FBN1: variants seen among roughly 807,000 people sequenced by gnomAD.
FBN1 encodes fibrillin-1.
In FBN1, 29 loss-of-function variants were observed where a neutral mutation model predicts 365.1. The observed-to-expected ratio is 0.08, with a 90% confidence interval of 0.06 to 0.11. The LOEUF (loss-of-function observed/expected upper bound fraction) is 0.11. Ranked by LOEUF, FBN1 falls within the 10% of genes least tolerant of loss-of-function variation. The pLI, the probability that FBN1 is intolerant of heterozygous loss-of-function variation, is 1.00. For missense variants in FBN1, 2,476 were observed against 3,703.2 expected (o/e 0.67, Z 8.60); for synonymous variants, 1,210 against 1,270.5 (o/e 0.95, Z 1.01).
At chr15:48,479,890 A>C (rs1206294341) in intron 32 of FBN1, among the ~76,000 whole-genome samples, 2 of 152,224 alleles carry the variant, frequency 1.3e-5, no homozygotes, top group African/African-American at 4.8e-5. Flanking sequence ...AAATGAAACA[A>C]CAAAACAATG....
chr15:48,462,137 C>A (rs950066628), intron 42 of FBN1, among the ~76,000 whole-genome samples: 2 of 152,174 alleles, frequency 1.3e-5, no homozygotes, highest in Non-Finnish European at 2.9e-5. Flanking sequence ...TAGTACCAAA[C>A]AACAGATTTA....
chr15:48,454,621 G>T (rs1239084658), intron 44 of FBN1, among the ~76,000 whole-genome samples: 1 of 152,184 alleles, frequency 6.6e-6, no homozygotes, highest in African/African-American at 2.4e-5. Context: ...AAAGGGGATG[G>T]CCTATAACAC....
At chr15:48,639,839 TA>T (rs1227415283) in intron 2 of FBN1, among the ~76,000 whole-genome samples, 1 of 152,150 alleles carries the variant, frequency 6.6e-6, no homozygotes, top group Non-Finnish European at 1.5e-5. Flanking sequence ...AAGAAATTGT[TA>T]AAAGAATGTA....
chr15:48,518,070 A>G (rs2043819053), intron 10 of FBN1, among the ~76,000 whole-genome samples: 1 of 152,238 alleles, frequency 6.6e-6, no homozygotes, highest in Non-Finnish European at 1.5e-5. Flanking sequence ...ATTCTCTTAC[A>G]GCATTTTAAT....
chr15:48,573,116 C>T (rs1024105041), intron 6 of FBN1, among the ~76,000 whole-genome samples: 4 of 152,046 alleles, frequency 2.6e-5, no homozygotes, highest in East Asian at 1.9e-4. Flanking sequence ...GAGCATTATC[C>T]GAAAACAGGA....
In FBN1 at chr15:48,470,138, G is replaced by A. The variant is rs138689661; in HGVS notation, c.4459+496C>T. Among the ~76,000 whole-genome samples the A allele has an allele frequency of 4.2e-3, 640 of 152,162 alleles. 5 individuals carry two copies. The highest frequency in any genetic ancestry group is 6.8e-3 in the Middle Eastern group (2 of 294). On this transcript the variant is annotated intron_variant, in intron 36 of 65. Coordinates refer to ENST00000316623, the MANE Select transcript of FBN1 (RefSeq NM_000138.5). ...CTAAGCTTTTTCTAATGTTCCCTGA[G>A]AGTCCTTGGCTCAACAAGAAAATGA...
At position 48,644,590 on chromosome 15, in the gene FBN1, G is replaced by A; in HGVS notation, c.164+16C>T. ...CTTGGGAGACCCACACCAAAGGAGG[G>A]AACCGGTTCCTTTACCCTTTAAGCG... On this transcript the variant is annotated intron_variant, in intron 2 of 65. Coordinates refer to ENST00000316623, the MANE Select transcript of FBN1 (RefSeq NM_000138.5). 3 of 1,614,020 alleles carry A rather than the reference G, an allele frequency of 1.9e-6. No individual in the cohort carries two copies. Among genetic ancestry groups the A allele is most frequent in the Non-Finnish European group, 1.7e-6 (2 of 1,180,008 alleles).
intron 2 of FBN1, among the ~76,000 whole-genome samples, chr15:48,627,948 C>G (rs1267196843): frequency 6.6e-6 from 1 of 152,180 alleles, no homozygotes; most frequent in Non-Finnish European, 1.5e-5. Context: ...TCAAAACAGA[C>G]AGAAATACAT....
chr15:48,505,669 G>C (rs1243870012), intron 15 of FBN1, among the ~76,000 whole-genome samples: 2 of 152,068 alleles, frequency 1.3e-5, no homozygotes, highest in African/African-American at 2.4e-5. Context: ...CACAGAAAAA[G>C]AACAGAAAAT....
intron 2 of FBN1, among the ~76,000 whole-genome samples, chr15:48,640,055 G>A (rs180743857): frequency 8.4e-4 from 128 of 152,174 alleles, no homozygotes; most frequent in Non-Finnish European, 1.2e-3. Context: ...TACACAAGAC[G>A]ATAAAGGAAC....
At chr15:48,568,139 A>G (rs888232859) in intron 6 of FBN1, among the ~76,000 whole-genome samples, 15 of 136,486 alleles carry the variant, frequency 1.1e-4, no homozygotes, top group African/African-American at 3.9e-4. Context: ...TAAGGAATCT[A>G]CCAAAAAAAA....
rs756819682 is a variant in FBN1 at position 48,415,638 on chromosome 15, T to C, written c.7949A>G (p.Asn2650Ser). The change falls in exon 64 of 66, where the codon AAT (asparagine) becomes AGT (serine). Residue 2650 changes from asparagine (N) to serine (S), a missense_variant. Transcript: ENST00000316623. ...GGGGGCCTGCGCAGAGCCACATTCA[T>C]TGATGTCTTGGCATCCTCCACTGAA... ...EQFSGGCQDI[N>S]ECGSAQAPCS... 5 of 1,614,224 alleles carry C rather than the reference T, an allele frequency of 3.1e-6. No homozygotes were observed. The highest frequency in any genetic ancestry group is 4.2e-6 in the Non-Finnish European group (5 of 1,180,034).
chr15:48,638,116 C>T (rs1243429564), intron 2 of FBN1, among the ~76,000 whole-genome samples: 1 of 151,660 alleles, frequency 6.6e-6, no homozygotes, highest in Non-Finnish European at 1.5e-5. Context: ...CTCACTGCAG[C>T]CTCAACCCTC....
At chr15:48,461,041 A>G (rs79343397) in intron 42 of FBN1, among the ~76,000 whole-genome samples, 1 of 152,162 alleles carries the variant, frequency 6.6e-6, no homozygotes, top group African/African-American at 2.4e-5. Context: ...TCAGATGGCC[A>G]TTGCCTTATT....
At chr15:48,505,405 A>C (rs2043700223) in intron 15 of FBN1, among the ~76,000 whole-genome samples, 1 of 152,230 alleles carries the variant, frequency 6.6e-6, no homozygotes, top group Non-Finnish European at 1.5e-5. Flanking sequence ...ATCCAAAATA[A>C]TCACAAAGGC....
At chr15:48,638,886 C>T (rs1890148908) in intron 2 of FBN1, among the ~76,000 whole-genome samples, 1 of 152,184 alleles carries the variant, frequency 6.6e-6, no homozygotes, top group Admixed American at 6.5e-5. Flanking sequence ...ACACAACGCC[C>T]AGCAGGCTGC....
At chr15:48,513,493 C>A (rs542427100) in intron 13 of FBN1, 56 bp downstream of exon 13, 1 of 1,613,402 alleles carries the variant, frequency 6.2e-7, no homozygotes, top group East Asian at 2.2e-5. Context: ...TCCTTTGAAG[C>A]CAACCCCCAG....
At chr15:48,491,406 A>T (rs1234768866) in intron 24 of FBN1, among the ~76,000 whole-genome samples, 1 of 150,702 alleles carries the variant, frequency 6.6e-6, no homozygotes, top group Non-Finnish European at 1.5e-5. Flanking sequence ...GCCGGACTGC[A>T]GTGGCACTAT....
chr15:48,517,226 T>C (rs2043812255), intron 10 of FBN1, among the ~76,000 whole-genome samples: 1 of 152,142 alleles, frequency 6.6e-6, no homozygotes, highest in African/African-American at 2.4e-5. Context: ...GTGTGAAGCT[T>C]AGACGAATCA....
Sources: allele counts gnomAD v4.1 joint callset (sites outside exome capture counted in the v4.1 genomes callset), GRCh38; gene constraint gnomAD v4.1.1; transcripts MANE v1.5; gene names NCBI Gene and HGNC (gene_info 2026-07-23, HGNC 2026-07-21).